CASP8: variants seen among roughly 807,000 people sequenced by gnomAD.
CASP8 encodes caspase-8.
A neutral mutation model predicts 46.3 loss-of-function variants in CASP8; 24 were observed. That is an observed-to-expected ratio of 0.52 (90% CI 0.38 to 0.73). The LOEUF is 0.73. Among genes scored for constraint, CASP8 ranks in the 30% least tolerant of loss-of-function variants. CASP8 has a pLI of 0.00. For synonymous variants in CASP8, 188 were observed against 200.4 expected, an observed-to-expected ratio of 0.94 and a Z score of 0.52; for missense variants, 460 against 559.0, an observed-to-expected ratio of 0.82 and a Z score of 1.79.
Position 201,284,882 on chromosome 2 carries a change from A to C in CASP8, c.869A>C (p.Glu290Ala). 6.2e-7 allele frequency: 1 copy of C among 1,614,140 alleles called. No homozygotes were observed. The highest frequency in any genetic ancestry group is 1.1e-5 in the South Asian group (1 of 91,086). The change falls in exon 8 of 9, where the codon GAG (glutamate) becomes GCG (alanine). Residue 290 changes from glutamate (E) to alanine (A), a missense_variant. Glu to Ala is a moderately radical substitution (Grantham distance 107). Coordinates refer to ENST00000673742, the MANE Select transcript of CASP8 (RefSeq NM_001372051.1). ...EIKPHDDCTVEQIYEILKIYQ... is the reference protein window; with the variant it reads ...EIKPHDDCTVAQIYEILKIYQ... ...AAGCCCCACGATGACTGCACAGTAGAGCAAATCTATGAGATTTTGAAAATC... is the reference window on the plus strand; with the variant it reads ...AAGCCCCACGATGACTGCACAGTAGCGCAAATCTATGAGATTTTGAAAATC...
At chr2:201,264,397 G>C (rs1339852418) in intron 1 of CASP8, among the ~76,000 whole-genome samples, 1 of 149,458 alleles carries the variant, frequency 6.7e-6, no homozygotes, top group Admixed American at 6.6e-5. Flanking sequence ...TTTGGTTTTG[G>C]TTTTGCTTTT....
chr2:201,239,970 A>C (rs1946235121), intron 2 of CASP8, among the ~76,000 whole-genome samples: 1 of 152,190 alleles, frequency 6.6e-6, no homozygotes, highest in African/African-American at 2.4e-5. Context: ...GGGACTTATG[A>C]TCCCTTCTAG....
intron 7 of CASP8, among the ~76,000 whole-genome samples, chr2:201,281,242 G>A (rs1948985937): frequency 6.6e-6 from 1 of 151,946 alleles, no homozygotes; most frequent in African/African-American, 2.4e-5. Context: ...TGAACTTGGG[G>A]GGCAGAAGTT....
chr2:201,284,906 T>C lies in CASP8; in HGVS notation c.893T>C (p.Ile298Thr). The C allele has an allele frequency of 6.2e-7, 1 of 1,614,046 alleles. No individual in the cohort carries two copies. The highest frequency in any genetic ancestry group is 8.5e-7 in the Non-Finnish European group (1 of 1,180,022). The change falls in exon 8 of 9, where the codon ATC (isoleucine) becomes ACC (threonine). Residue 298 changes from isoleucine (I) to threonine (T), a missense_variant. By Grantham distance (89) the Ile-to-Thr change is moderately conservative (BLOSUM62 -1). Transcript: ENST00000673742. The stretch of plus-strand genomic sequence containing the variant: ...GAGCAAATCTATGAGATTTTGAAAA[T>C]CTACCAACTCATGGACCACAGTAAC... ...TVEQIYEILK[I>T]YQLMDHSNMD... is the part of the protein sequence containing the mutation.
chr2:201,269,883 T>C (rs951416999), intron 2 of CASP8, among the ~76,000 whole-genome samples: 2 of 152,110 alleles, frequency 1.3e-5, no homozygotes, highest in African/African-American at 4.8e-5. Context: ...AGCAAAAGGG[T>C]AAATACCTTG....
At chr2:201,261,606 C>A (rs1019617934) in intron 1 of CASP8, among the ~76,000 whole-genome samples, 4 of 152,094 alleles carry the variant, frequency 2.6e-5, no homozygotes, top group Non-Finnish European at 5.9e-5. Context: ...GTGGCTGCAG[C>A]GCCCTGTTAT....
intron 2 of CASP8, among the ~76,000 whole-genome samples, chr2:201,255,517 G>A (rs1946975247): frequency 1.3e-5 from 2 of 152,140 alleles, no homozygotes; most frequent in Non-Finnish European, 2.9e-5. Context: ...CTCCTCAGAT[G>A]CCTCCAGCAG....
intron 2 of CASP8, among the ~76,000 whole-genome samples, chr2:201,249,360 T>C (rs1361067583): frequency 6.6e-6 from 1 of 152,214 alleles, no homozygotes; most frequent in African/African-American, 2.4e-5. Context: ...CCTTTACCCA[T>C]GTATCAAGTG....
chr2:201,254,818 G>A (rs1946943331), intron 2 of CASP8, among the ~76,000 whole-genome samples: 1 of 152,214 alleles, frequency 6.6e-6, no homozygotes, highest in Non-Finnish European at 1.5e-5. Flanking sequence ...GAAACCACTT[G>A]GAGATTGAGT....
chr2:201,259,020 T>A (rs886671705), upstream of CASP8, among the ~76,000 whole-genome samples: 1 of 152,214 alleles, frequency 6.6e-6, no homozygotes, highest in African/African-American at 2.4e-5. Context: ...GCCTCTGTTA[T>A]CTCATCATTA....
chr2:201,271,754 T>A (rs1202522251), intron 3 of CASP8, 133 bp downstream of exon 3: 2 of 707,926 alleles, frequency 2.8e-6, no homozygotes, highest in African/African-American at 3.5e-5. Context: ...AAGAAAGTTG[T>A]CAGCACGAGT....
upstream of CASP8, chr2:201,257,926 C>T: frequency 2.5e-6 from 1 of 404,360 alleles, no homozygotes; most frequent in Non-Finnish European, 4.6e-6. Context: ...GCATGTCCAG[C>T]GCTCGGGCTT....
chr2:201,245,493 G>T (rs1576211114), intron 2 of CASP8, among the ~76,000 whole-genome samples: 1 of 152,106 alleles, frequency 6.6e-6, no homozygotes, highest in Admixed American at 6.6e-5. Context: ...CGCCCACCTC[G>T]GCCTCCCAAA....
intron 1 of CASP8, among the ~76,000 whole-genome samples, chr2:201,260,982 T>A (rs1005644770): frequency 6.6e-6 from 1 of 152,192 alleles, no homozygotes; most frequent in Non-Finnish European, 1.5e-5. Flanking sequence ...CTGCTACAGC[T>A]ATCCTCCCAC....
At chr2:201,261,410 A>C (rs1312166869) in intron 1 of CASP8, among the ~76,000 whole-genome samples, 1 of 151,998 alleles carries the variant, frequency 6.6e-6, no homozygotes, top group Admixed American at 6.6e-5. Context: ...AAAAAAAAAA[A>C]AATTAAAAAG....
chr2:201,270,380 A>C lies in CASP8; in HGVS notation c.306-1136A>C, dbSNP rs1182584275. 2.0e-5 allele frequency among the ~76,000 whole-genome samples: 3 copies of C among 152,210 alleles called. No homozygotes were observed. The East Asian group carries it at 5.8e-4, about 29-fold the overall frequency. On this transcript the variant is annotated intron_variant, in intron 2 of 8. Coordinates refer to ENST00000673742, the MANE Select transcript of CASP8 (RefSeq NM_001372051.1). ...ATTATCTTCAGTCTATGGACGAGGA[A>C]AAAATGTGTAACATGTCTAAAGTTA...
At chr2:201,284,789 C>A in intron 7 of CASP8, 27 bp from the exon 8 acceptor site, 7 of 1,593,496 alleles carry the variant, frequency 4.4e-6, no homozygotes, top group African/African-American at 1.4e-5. Context: ...TGTGGTATAA[C>A]GTGACTGTTC....
chr2:201,235,073 G>A (rs1277776852), intron 2 of CASP8, among the ~76,000 whole-genome samples: 1 of 152,126 alleles, frequency 6.6e-6, no homozygotes, highest in African/African-American at 2.4e-5. Context: ...TAATTGTGTT[G>A]TTCAAATCTT....
chr2:201,272,550 G>T lies in CASP8; in HGVS notation c.412-88G>T, dbSNP rs2125250625. The T allele has an allele frequency of 6.8e-7, 1 of 1,469,998 alleles. No individual in the cohort carries two copies. The highest frequency in any genetic ancestry group is 9.4e-7 in the Non-Finnish European group (1 of 1,059,854). 91.1% of individuals were successfully genotyped at this position (1,469,998 alleles called of 1,614,324 possible). A position where few individuals can be genotyped will look rare whatever the true frequency, so the allele number is the denominator to read the frequency against. On this transcript the variant is annotated intron_variant, in intron 3 of 8. Coordinates refer to ENST00000673742, the MANE Select transcript of CASP8 (RefSeq NM_001372051.1). The surrounding 1 kb of genome is among the most constrained non-coding windows in gnomAD (Gnocchi z 4.4). ...GGGAAGCAAGGGCAGGTCCTTGGTT[G>T]GAGAAATTGGAAATTAAAAAAAAAA... is the stretch of plus-strand genomic sequence containing the variant.
Sources: gnomAD v4.1 joint callset for allele counts (sites outside exome capture counted in the v4.1 genomes callset) on GRCh38, gnomAD v4.1.1 for gene constraint, Gnocchi (gnomAD v3.1) non-coding constraint, MANE v1.5 for transcripts, NCBI Gene and HGNC (gene_info 2026-07-23, HGNC 2026-07-21) for gene names.